KLHL35: variants seen among roughly 807,000 people sequenced by gnomAD.
KLHL35 encodes the protein kelch-like protein 35.
KLHL35 carries 50 observed loss-of-function variants against 44.0 expected under a neutral mutation model. The observed-to-expected ratio is 1.14, with a 90% CI of 0.91 to 1.44. The LOEUF is 1.44. Ranked by LOEUF, KLHL35 falls within the 40% of genes most tolerant of loss-of-function variation. The probability of loss-of-function intolerance (pLI) is 0.00; values close to 1 mark genes in which losing one functional copy is unlikely to be tolerated. For missense variants in KLHL35, 1,049 were observed against 887.8 expected, an observed-to-expected ratio of 1.18 and a Z score of -2.31; for synonymous variants, 470 against 410.4, an observed-to-expected ratio of 1.15 and a Z score of -1.76.
chr11:75,428,033 T>G (rs972867382), intron 3 of KLHL35, among the ~76,000 whole-genome samples: 8 of 152,212 alleles, frequency 5.3e-5, no homozygotes, highest in African/African-American at 1.9e-4. Context: ...AGATGTGTGT[T>G]CCTCCTAGCT....
Position 75,426,892 on chromosome 11 carries a change from C to T in KLHL35, c.1067-254G>A, listed in dbSNP as rs575935184. On this transcript the variant is annotated intron_variant, in intron 3 of 6. Coordinates refer to ENST00000539798, the MANE Select transcript of KLHL35 (RefSeq NM_001039548.3). ...AGAAGGGGCTGGTTTTCGCCGGGCA[C>T]CTTGTGGTGGTGGTGGTGGTGTGCC... 1.7e-5 allele frequency: 6 copies of T among 363,052 alleles called. No individual in the cohort carries two copies. In the East Asian group the frequency reaches 3.0e-4, roughly 18 times the overall value. The allele number at this position is 363,052 out of a possible 1,614,324, so 22.5% of individuals were successfully genotyped here.
rs376176425 is a variant in KLHL35, at chr11:75,425,423, G to A, written c.1344C>T (p.Gly448=). ...CCGTGTTGACGCCGCCCTGCCTGGC[G>A]CCCCCAATCACGAAGAGCTTGCCCG... ...SCAGKLFVIG[G]ARQGGVNTDK... Residue 448 remains glycine (G), a synonymous_variant, in exon 5 of 7, where the codon GGC becomes GGT. Transcript: ENST00000539798. 7.0e-5 allele frequency: 110 copies of A among 1,565,396 alleles called. No homozygotes were observed. Among genetic ancestry groups the A allele is most frequent in the Middle Eastern group, 1.9e-4 (1 of 5,324 alleles).
chr11:75,422,821 G>T, intron 6 of KLHL35, 53 bp from the exon 7 acceptor site: 1 of 1,539,068 alleles, frequency 6.5e-7, no homozygotes, highest in Non-Finnish European at 8.9e-7. Context: ...GGCTTCCTCT[G>T]TCCCTGCCTG....
Position 75,429,907 on chromosome 11 carries a change from G to C in KLHL35, c.723C>G (p.His241Gln). Residue 241 changes from histidine (H) to glutamine (Q), a missense_variant, in exon 2 of 7, where the codon CAC (histidine) becomes CAG (glutamine). Physicochemically the swap from His to Gln is conservative, Grantham distance 24. Coordinates refer to ENST00000539798, the MANE Select transcript of KLHL35 (RefSeq NM_001039548.3). The stretch of plus-strand genomic sequence containing the variant: ...CGGGCGCCAGTAGCGGCAGGCGCAC[G>C]TGCTCCAGCAGGCGTCGCAGCTGGC... ...RRGQLRRLLEHVRLPLLAPAY... is the reference protein window; with the variant it reads ...RRGQLRRLLEQVRLPLLAPAY... The C allele has an allele frequency of 1.3e-6, 2 of 1,502,030 alleles. No individual in the cohort carries two copies. Among genetic ancestry groups the C allele is most frequent in the South Asian group, 1.2e-5 (1 of 80,418 alleles). The allele number at this position is 1,502,030 out of a possible 1,614,324, so 93.0% of individuals were successfully genotyped here.
chr11:75,430,156 C>G lies in KLHL35; in HGVS notation c.474G>C (p.Leu158=). The change falls in exon 2 of 7, where the codon CTG becomes CTC. Residue 158 remains leucine (L), a synonymous_variant. Coordinates refer to ENST00000539798, the MANE Select transcript of KLHL35 (RefSeq NM_001039548.3). ...GRLRAANSLA[L]RRVAAAFSLA... ...GCGAGAAGGCGGCGGCCACGCGGCG[C>G]AGCGCTAGGCTGTTGGCGGCGCGCA... is the stretch of plus-strand genomic sequence containing the variant. The G allele has an allele frequency of 8.1e-7, 1 of 1,232,910 alleles. No homozygotes were observed. The highest frequency in any genetic ancestry group is 2.9e-5 in the South Asian group (1 of 34,252). 76.4% of individuals were successfully genotyped at this position (1,232,910 alleles called of 1,614,324 possible).
At chr11:75,431,321 CA>C (rs1279360185) in intron 1 of KLHL35, among the ~76,000 whole-genome samples, 1 of 152,234 alleles carries the variant, frequency 6.6e-6, no homozygotes, top group African/African-American at 2.4e-5. Context: ...ACGAATTCGA[CA>C]AGTATTTATT....
Position 75,423,681 on chromosome 11 carries a change from C to T in KLHL35, c.1563+11G>A, listed in dbSNP as rs762073503. ...CGGGTTCCGCTCTCCTGCCTTGAAG[C>T]CTCCACTTACCACAGGGCTGGGGAG... On this transcript the variant is annotated intron_variant, in intron 6 of 6. Transcript: ENST00000539798. 1.9e-5 allele frequency: 30 copies of T among 1,611,776 alleles called. No homozygotes were observed. The highest frequency in any genetic ancestry group is 5.0e-5 in the Admixed American group (3 of 59,900).
intron 5 of KLHL35, 36 bp from the exon 6 acceptor site, chr11:75,423,916 GC>G (rs200478992): frequency 7.4e-5 from 109 of 1,482,236 alleles, no homozygotes; most frequent in Admixed American, 4.3e-4. Flanking sequence ...AAGACTCACC[GC>G]CCCCCCCAAC....
chr11:75,424,520 TCTGTTTCCTCAA>T lies in KLHL35; in HGVS notation c.1375-652_1375-641del, dbSNP rs945249478. The T allele has an allele frequency of 4.1e-3, 622 of 152,578 alleles. 3 individuals are homozygous for T. The highest frequency in any genetic ancestry group is 0.014 in the African/African-American group (585 of 41,434). 9.5% of individuals were successfully genotyped at this position (152,578 alleles called of 1,614,324 possible). A position where few individuals can be genotyped will look rare whatever the true frequency, so the allele number is the denominator to read the frequency against. Reference sequence around the variant, plus strand: ...ATTTAGCTGCCTGCTCACCTCACTCTCTGTTTCCTCAACTGTTTCCTTGGAGACCCCCTCCCC... The same window carrying T: ...ATTTAGCTGCCTGCTCACCTCACTCTCTGTTTCCTTGGAGACCCCCTCCCC... On this transcript the variant is annotated intron_variant, in intron 5 of 6. Transcript: ENST00000539798.
At position 75,429,225 on chromosome 11, in the gene KLHL35, G is replaced by C. The variant is rs150026557; in HGVS notation, c.881+524C>G. On this transcript the variant is annotated intron_variant, in intron 2 of 6. Transcript: ENST00000539798. ...CCACCAGAATTTCCATACCCTTTTA[G>C]CCATTGGTTTTCTAATTCCTTTGGC... is the stretch of plus-strand genomic sequence containing the variant. Among the ~76,000 whole-genome samples, 40 of 152,246 alleles carry C rather than the reference G, an allele frequency of 2.6e-4. 1 individual carries two copies. Among genetic ancestry groups the C allele is most frequent in the Admixed American group, 2.6e-3 (40 of 15,286 alleles).
At chr11:75,429,681 AGAAT>A (rs1425221892) in intron 2 of KLHL35, 64 bp downstream of exon 2, 27 of 1,384,296 alleles carry the variant, frequency 2.0e-5, no homozygotes, top group Non-Finnish European at 2.4e-5. Context: ...AGATGATGAA[AGAAT>A]GAATGAGCGG....
At chr11:75,425,342 A>G in intron 5 of KLHL35, 51 bp downstream of exon 5, 1 of 1,481,208 alleles carries the variant, frequency 6.8e-7, no homozygotes, top group African/African-American at 1.4e-5. Context: ...CCTGGCACAC[A>G]GTGGGCACCC....
intron 3 of KLHL35, 93 bp from the exon 4 acceptor site, chr11:75,426,731 A>C (rs1023960761): frequency 2.6e-6 from 2 of 774,736 alleles, no homozygotes; most frequent in African/African-American, 3.5e-5. Context: ...GATCCAAAGG[A>C]AGGGTTAAGG....
In KLHL35 at chr11:75,429,877, G is replaced by A; in HGVS notation, c.753C>T (p.Tyr251=). The part of the protein sequence containing the change: ...HVRLPLLAPA[Y]FLEKVEADEL... ...CGTCCGCCTCCACCTTCTCCAGGAA[G>A]TAAGCGGGCGCCAGTAGCGGCAGGC... is the stretch of plus-strand genomic sequence containing the variant. Residue 251 remains tyrosine (Y), a synonymous_variant, in exon 2 of 7, where the codon TAC becomes TAT. Coordinates refer to ENST00000539798, the MANE Select transcript of KLHL35 (RefSeq NM_001039548.3). 1 of 1,520,620 alleles carries A rather than the reference G, an allele frequency of 6.6e-7. No individual in the cohort carries two copies. The highest frequency in any genetic ancestry group is 8.7e-7 in the Non-Finnish European group (1 of 1,144,428). The allele number at this position is 1,520,620 out of a possible 1,614,324, so 94.2% of individuals were successfully genotyped here.
At position 75,426,634 on chromosome 11, in the gene KLHL35, GCCT is replaced by G. The variant is rs748254668; in HGVS notation, c.1068_1070del (p.Gly357del). The G allele has an allele frequency of 6.3e-7, 1 of 1,580,884 alleles. No homozygotes were observed. The highest frequency in any genetic ancestry group is 1.7e-5 in the Admixed American group (1 of 57,714). ...TCCACACATCATGACTGTTGATGTG[GCCT>G]CCTAGGGAGAGAGAAGCAGCTGTTG... On this transcript the variant is annotated inframe_deletion and splice_region_variant, in exon 4 of 7. Coordinates refer to ENST00000539798, the MANE Select transcript of KLHL35 (RefSeq NM_001039548.3).
chr11:75,426,489 T>C, intron 4 of KLHL35, 31 bp downstream of exon 4: 2 of 1,468,498 alleles, frequency 1.4e-6, no homozygotes, highest in Non-Finnish European at 1.9e-6. Flanking sequence ...GTACCTTGTG[T>C]CCCAGGGCAG....
chr11:75,426,454 C>T (rs916523884), intron 4 of KLHL35, 66 bp downstream of exon 4: 39 of 1,136,110 alleles, frequency 3.4e-5, no homozygotes, highest in Admixed American at 9.8e-5. Flanking sequence ...TTTAGAGAAC[C>T]TCCCTCCAGC....
intron 3 of KLHL35, among the ~76,000 whole-genome samples, chr11:75,427,362 G>C (rs1429895806): frequency 6.6e-6 from 1 of 152,254 alleles, no homozygotes; most frequent in East Asian, 1.9e-4. Context: ...TGGGGATCTT[G>C]GCCAGGGATT....
chr11:75,430,174 G>T lies in KLHL35; in HGVS notation c.456C>A (p.Ala152=), dbSNP rs1948523569. 1.6e-6 allele frequency: 2 copies of T among 1,232,514 alleles called. No individual in the cohort carries two copies. The highest frequency in any genetic ancestry group is 8.4e-5 in the Admixed American group (2 of 23,738). 76.3% of individuals were successfully genotyped at this position (1,232,514 alleles called of 1,614,324 possible). Residue 152 remains alanine (A), a synonymous_variant, in exon 2 of 7, where the codon GCC becomes GCA. Coordinates refer to ENST00000539798, the MANE Select transcript of KLHL35 (RefSeq NM_001039548.3). The stretch of plus-strand genomic sequence containing the variant: ...CGCGGCGCAGCGCTAGGCTGTTGGC[G>T]GCGCGCAGGCGGCCCTCGAGAAAGC... ...CVRFLEGRLR[A]ANSLALRRVA... is the part of the protein sequence containing the mutation.
Sources: gnomAD v4.1 joint callset for allele counts (sites outside exome capture counted in the v4.1 genomes callset) on GRCh38, gnomAD v4.1.1 for gene constraint, MANE v1.5 for transcripts, NCBI Gene and HGNC (gene_info 2026-07-23, HGNC 2026-07-21) for gene names.